Variants in STK10 observed in about 807,000 individuals in gnomAD.
STK10 encodes the protein serine/threonine kinase 10, also known as serine/threonine-protein kinase 10.
A neutral mutation model predicts 113.8 loss-of-function variants in STK10; 78 were observed. That is an observed-to-expected ratio of 0.69 (90% CI 0.57 to 0.83). The LOEUF (loss-of-function observed/expected upper bound fraction) is 0.83, where lower values mean the gene tolerates loss of function less well. STK10 is among the 40% of genes least tolerant of loss of function. STK10 has a pLI of 0.00. For synonymous variants in STK10, 465 were observed against 494.7 expected (o/e 0.94, Z 0.80); for missense variants, 1,109 against 1,280.1 (o/e 0.87, Z 2.04).
chr5:172,081,534 A>T (rs750253675), intron 12 of STK10, among the ~76,000 whole-genome samples: 1 of 152,072 alleles, frequency 6.6e-6, no homozygotes, highest in Non-Finnish European at 1.5e-5. Context: ...TCTCCGAGGT[A>T]TATCTGTGCC....
chr5:172,107,922 A>C, intron 4 of STK10, 70 bp from the exon 5 acceptor site: 3 of 1,331,436 alleles, frequency 2.3e-6, no homozygotes, highest in Non-Finnish European at 3.2e-6. Flanking sequence ...ATGTGGACTC[A>C]GGGGTACACA....
At chr5:172,142,675 C>T (rs983817020) in intron 2 of STK10, among the ~76,000 whole-genome samples, 1 of 152,218 alleles carries the variant, frequency 6.6e-6, no homozygotes, top group African/African-American at 2.4e-5. Flanking sequence ...TATGTCAGAA[C>T]AAAAGACATT....
At chr5:172,129,518 G>A (rs909334161) in intron 2 of STK10, among the ~76,000 whole-genome samples, 18 of 152,280 alleles carry the variant, frequency 1.2e-4, no homozygotes, top group African/African-American at 3.4e-4. Context: ...TGCTGATCCC[G>A]AACGCCAAGG....
intron 2 of STK10, among the ~76,000 whole-genome samples, chr5:172,139,920 C>T (rs1261332822): frequency 7.7e-6 from 1 of 130,638 alleles, no homozygotes; most frequent in East Asian, 2.1e-4. Flanking sequence ...AAAAAAAAAC[C>T]CAAAAATAAA....
Position 172,050,355 on chromosome 5 carries a change from G to A in STK10, c.2766+2574C>T, listed in dbSNP as rs572150018. Among the ~76,000 whole-genome samples the A allele has an allele frequency of 5.3e-5, 8 of 152,162 alleles. No homozygotes were observed. The East Asian group carries it at 1.4e-3, about 26-fold the overall frequency. ...TCTTGTGCAATCATCTTGAGTTGTG[G>A]GCTGAACTCGCCACTTGATTCTGCA... On this transcript the variant is annotated intron_variant, in intron 18 of 18. Transcript: ENST00000176763.
intron 1 of STK10, among the ~76,000 whole-genome samples, chr5:172,184,746 G>A (rs1185833686): frequency 1.3e-5 from 2 of 152,266 alleles, no homozygotes; most frequent in Middle Eastern, 3.4e-3. Flanking sequence ...CCGCCTCACG[G>A]GTTCAAGCAA....
intron 18 of STK10, among the ~76,000 whole-genome samples, chr5:172,049,740 TAA>T (rs1401069224): frequency 6.6e-6 from 1 of 152,198 alleles, no homozygotes; most frequent in East Asian, 1.9e-4. Flanking sequence ...TCTGGAGGAT[TAA>T]GACAATGGCC....
At chr5:172,088,475 G>C (rs1768619545) in intron 10 of STK10, among the ~76,000 whole-genome samples, 1 of 152,110 alleles carries the variant, frequency 6.6e-6, no homozygotes, top group South Asian at 2.1e-4. Flanking sequence ...ACTGAACCAA[G>C]ATAGCACCAC....
rs7736786 is a variant in STK10 at position 172,048,064 on chromosome 5, G to A, written c.2767-3042C>T. ...ATTACAGGCATGCGCCACTGTGCCC[G>A]ACTGATTTCTGTGATGGTTAATTTT... On this transcript the variant is annotated intron_variant, in intron 18 of 18. Transcript: ENST00000176763. Among the ~76,000 whole-genome samples the A allele has an allele frequency of 9.6e-3, 1,462 of 152,140 alleles. 28 individuals are homozygous for A. Among genetic ancestry groups the A allele is most frequent in the African/African-American group, 0.033 (1,368 of 41,496 alleles).
chr5:172,058,117 G>A (rs1358715733), intron 14 of STK10, among the ~76,000 whole-genome samples: 7 of 152,216 alleles, frequency 4.6e-5, no homozygotes. Context: ...GGGACCTGGG[G>A]TCAAAGGGAG....
chr5:172,101,394 C>T (rs1402875415), intron 7 of STK10, among the ~76,000 whole-genome samples: 1 of 151,694 alleles, frequency 6.6e-6, no homozygotes, highest in Non-Finnish European at 1.5e-5. Flanking sequence ...TCACTTGAAC[C>T]CAGGGGGTGG....
At chr5:172,073,427 C>T (rs547108508) in intron 12 of STK10, among the ~76,000 whole-genome samples, 1 of 152,122 alleles carries the variant, frequency 6.6e-6, no homozygotes, top group Non-Finnish European at 1.5e-5. Flanking sequence ...GCTGGGATTA[C>T]AGGTATGAGT....
rs1315371950 is a variant in STK10, at chr5:172,043,654, A to G, written c.*1228T>C. 6.6e-6 allele frequency: 1 copy of G among 152,232 alleles called. No homozygotes were observed. The highest frequency in any genetic ancestry group is 1.5e-5 in the Non-Finnish European group (1 of 68,048). The allele number at this position is 152,232 out of a possible 1,614,324, so 9.4% of individuals were successfully genotyped here. ...CATTTGCTTTTATTGCGTTATATACATTCTGCAGCTGTAGAATCAGAATCT... is the reference window on the plus strand; with the variant it reads ...CATTTGCTTTTATTGCGTTATATACGTTCTGCAGCTGTAGAATCAGAATCT... On this transcript the variant is annotated 3_prime_UTR_variant, in exon 19 of 19. Coordinates refer to ENST00000176763, the MANE Select transcript of STK10 (RefSeq NM_005990.4).
chr5:172,078,786 GAGGCAGGCT>G (rs1330574812), intron 12 of STK10, among the ~76,000 whole-genome samples: 2 of 148,034 alleles, frequency 1.4e-5, no homozygotes, highest in African/African-American at 5.1e-5. Flanking sequence ...GCCTCGTTCA[GAGGCAGGCT>G]CGAGAGCCTT....
chr5:172,187,592 T>C lies in STK10; in HGVS notation c.156+295A>G, dbSNP rs1005662753. The stretch of plus-strand genomic sequence containing the variant: ...ATGCTGAGGTCCTGTCAACGCCCCT[T>C]TGTCTCCCCGTGCGGCGCCGAGCGC... On this transcript the variant is annotated intron_variant, in intron 1 of 18. Coordinates refer to ENST00000176763, the MANE Select transcript of STK10 (RefSeq NM_005990.4). The surrounding 1 kb of genome is among the most constrained non-coding windows in gnomAD (Gnocchi z 4.6). 4.6e-5 allele frequency among the ~76,000 whole-genome samples: 7 copies of C among 152,148 alleles called. No individual in the cohort carries two copies. The highest frequency in any genetic ancestry group is 1.0e-4 in the Non-Finnish European group (7 of 68,022).
At chr5:172,092,744 G>GATTT (rs1768746739) in intron 9 of STK10, 1 of 152,194 alleles carries the variant, frequency 6.6e-6, no homozygotes, top group African/African-American at 2.4e-5. Flanking sequence ...AACACCCCGG[G>GATTT]ATTTATCGGG....
intron 2 of STK10, among the ~76,000 whole-genome samples, chr5:172,128,342 C>CT (rs796522947): frequency 0.33 from 44,513 of 135,708 alleles, 7,585 homozygotes; most frequent in African/African-American, 0.41. Context: ...TTCTTCTTTC[C>CT]TTTTTTTTTT....
rs551109623 is a variant in STK10, at chr5:172,119,893, CAAAT to C, written c.371-2267_371-2264del. On this transcript the variant is annotated intron_variant, in intron 3 of 18. Coordinates refer to ENST00000176763, the MANE Select transcript of STK10 (RefSeq NM_005990.4). Reference sequence around the variant, plus strand: ...AATAAATAAATAAATAATAAATAAACAAATAATTCCCTCTAGCACAGCAAAGAGC... The same window carrying C: ...AATAAATAAATAAATAATAAATAAACAATTCCCTCTAGCACAGCAAAGAGC... Among the ~76,000 whole-genome samples, 322 of 132,972 alleles carry C rather than the reference CAAAT, an allele frequency of 2.4e-3. 1 individual carries two copies. Among genetic ancestry groups the C allele is most frequent in the African/African-American group, 0.01 (314 of 30,428 alleles). The allele number at this position is 132,972 out of a possible 152,430, so 87.2% of individuals were successfully genotyped here. A position where few individuals can be genotyped will look rare whatever the true frequency, so the allele number is the denominator to read the frequency against.
Position 172,093,676 on chromosome 5 carries a change from A to G in STK10, c.1290T>C (p.Val430=). 6.2e-7 allele frequency: 1 copy of G among 1,614,246 alleles called. No homozygotes were observed. Among genetic ancestry groups the G allele is most frequent in the Non-Finnish European group, 8.5e-7 (1 of 1,180,048 alleles). ...GGCTGAGGTCCCCACCCTGCTCAGC[A>G]ACTTGCTTCTCCTGGGCTACCTGAA... ...ARIQVAQEKQ[V]AEQGGDLSPA... The change falls in exon 9 of 19, where the codon GTT becomes GTC. Residue 430 remains valine, a synonymous_variant. Transcript: ENST00000176763. This position sits in a 1 kb window ranked among gnomAD's most constrained non-coding sequence, Gnocchi z 4.1.
Sources: gnomAD v4.1 joint callset for allele counts (sites outside exome capture counted in the v4.1 genomes callset) on GRCh38, gnomAD v4.1.1 for gene constraint, Gnocchi (gnomAD v3.1) non-coding constraint, MANE v1.5 for transcripts, NCBI Gene and HGNC (gene_info 2026-07-23, HGNC 2026-07-21) for gene names.